The following PRR16 variants were observed in gnomAD, a reference collection of about 807,000 sequenced individuals.
The protein encoded by PRR16 is proline rich 16, also known as protein Largen.
Under a neutral mutation model 18.2 loss-of-function variants are expected in PRR16, and 6 were observed. That is an observed-to-expected ratio of 0.33 (90% CI 0.18 to 0.65). The LOEUF (loss-of-function observed/expected upper bound fraction) is 0.65. PRR16 is among the 30% of genes least tolerant of loss of function. PRR16 has a pLI of 0.74. For missense variants in PRR16, 412 were observed against 376.6 expected (o/e 1.09, Z -0.78); for synonymous variants, 151 against 147.8 (o/e 1.02, Z -0.16).
the PRR16 span, among the ~76,000 whole-genome samples, chr5:120,701,257 G>T: frequency 1.3e-5 from 2 of 152,060 alleles, no homozygotes; most frequent in Non-Finnish European, 2.9e-5. Flanking sequence ...TTTAATTTTT[G>T]GAGTTTTATT....
At chr5:120,775,529 A>G in the PRR16 span, among the ~76,000 whole-genome samples, 1 of 152,112 alleles carries the variant, frequency 6.6e-6, no homozygotes, top group African/African-American at 2.4e-5. Context: ...ATAGTTTCCT[A>G]ACCTGCTATT....
the PRR16 span, among the ~76,000 whole-genome samples, chr5:120,751,975 T>TA: frequency 6.6e-6 from 1 of 152,126 alleles, no homozygotes; most frequent in Admixed American, 6.6e-5. Context: ...ACTTTATCTT[T>TA]AAAATTGTTC....
chr5:120,689,538 G>A (rs550042581), downstream of PRR16, among the ~76,000 whole-genome samples: 5 of 152,154 alleles, frequency 3.3e-5, no homozygotes, highest in South Asian at 6.2e-4. Context: ...TTGAAACTAC[G>A]TTTTGTTAAC....
At chr5:120,760,472 T>G in the PRR16 span, among the ~76,000 whole-genome samples, 1 of 152,106 alleles carries the variant, frequency 6.6e-6, no homozygotes, top group South Asian at 2.1e-4. Context: ...ATTTTATTTA[T>G]AAAATTTTGG....
chr5:120,759,228 G>A, the PRR16 span, among the ~76,000 whole-genome samples: 5 of 151,720 alleles, frequency 3.3e-5, no homozygotes, highest in African/African-American at 4.8e-5. Context: ...TGCCCGCTTC[G>A]GCCTCCCAAA....
At chr5:120,719,357 A>G in the PRR16 span, among the ~76,000 whole-genome samples, 1 of 152,060 alleles carries the variant, frequency 6.6e-6, no homozygotes, top group Non-Finnish European at 1.5e-5. Flanking sequence ...ATTGTAGAAA[A>G]TATTTTACTC....
At chr5:120,653,300 A>G (rs1007244732) in intron 1 of PRR16, among the ~76,000 whole-genome samples, 15 of 140,156 alleles carry the variant, frequency 1.1e-4, no homozygotes, top group African/African-American at 3.7e-4. Flanking sequence ...CAATAAAAGT[A>G]AAAAAAAAAA....
chr5:120,711,210 A>G, the PRR16 span, among the ~76,000 whole-genome samples: 2 of 152,192 alleles, frequency 1.3e-5, no homozygotes, highest in Non-Finnish European at 2.9e-5. Flanking sequence ...CCTTTGCCAT[A>G]TAACAGCATA....
the PRR16 span, among the ~76,000 whole-genome samples, chr5:120,711,278 A>T: frequency 1.3e-5 from 2 of 152,172 alleles, no homozygotes; most frequent in Non-Finnish European, 2.9e-5. Context: ...ATTGTGCCTA[A>T]CACAACTACA....
the PRR16 span, among the ~76,000 whole-genome samples, chr5:120,779,740 C>T: frequency 2.0e-5 from 3 of 152,130 alleles, no homozygotes; most frequent in Non-Finnish European, 4.4e-5. Flanking sequence ...TTCTTAATAA[C>T]AGCAAAGGAA....
intron 1 of PRR16, among the ~76,000 whole-genome samples, chr5:120,545,546 CAT>C (rs1417059056): frequency 2.6e-5 from 4 of 151,922 alleles, no homozygotes; most frequent in African/African-American, 9.7e-5. Context: ...AATTATTAAA[CAT>C]ATATAAAATA....
At chr5:120,718,121 G>A in the PRR16 span, among the ~76,000 whole-genome samples, 1 of 152,000 alleles carries the variant, frequency 6.6e-6, no homozygotes. Context: ...ATATCATAAT[G>A]TGCCTCACTA....
chr5:120,725,862 C>G, the PRR16 span, among the ~76,000 whole-genome samples: 4 of 151,756 alleles, frequency 2.6e-5, no homozygotes, highest in Non-Finnish European at 5.9e-5. Flanking sequence ...TGAATGAATA[C>G]TATAGTGAGA....
intron 1 of PRR16, among the ~76,000 whole-genome samples, chr5:120,564,337 G>C (rs535040547): frequency 2.2e-4 from 33 of 152,104 alleles, no homozygotes; most frequent in Non-Finnish European, 3.5e-4. Flanking sequence ...AAGAAATCCA[G>C]TCTTTGTGTC....
chr5:120,694,266 G>C, the PRR16 span, among the ~76,000 whole-genome samples: 1 of 152,152 alleles, frequency 6.6e-6, no homozygotes, highest in African/African-American at 2.4e-5. Context: ...ATTTTACTTA[G>C]ATATTTTTGT....
chr5:120,488,176 G>A (rs937431175), intron 1 of PRR16, among the ~76,000 whole-genome samples: 15 of 152,186 alleles, frequency 9.9e-5, no homozygotes, highest in Non-Finnish European at 2.1e-4. Context: ...ATGAGTTAGG[G>A]AGGTTTCCCT....
chr5:120,571,219 C>T (rs1752896105), intron 1 of PRR16, among the ~76,000 whole-genome samples: 1 of 152,070 alleles, frequency 6.6e-6, no homozygotes, highest in Admixed American at 6.6e-5. Context: ...CCTTGATATG[C>T]AAAGGTTAAG....
chr5:120,744,176 T>TC, the PRR16 span, among the ~76,000 whole-genome samples: 15,766 of 151,960 alleles, frequency 0.1, 1,019 homozygotes, highest in African/African-American at 0.18. Flanking sequence ...GTCTCTTCAA[T>TC]CTGGGGCCTG....
intron 1 of PRR16, among the ~76,000 whole-genome samples, chr5:120,607,365 C>G (rs1372718548): frequency 6.6e-6 from 1 of 151,986 alleles, no homozygotes. Context: ...CTATTTTTAT[C>G]TTGTCAGCTG....
Sources: gnomAD v4.1 joint callset for allele counts (sites outside exome capture counted in the v4.1 genomes callset) on GRCh38, gnomAD v4.1.1 for gene constraint, MANE v1.5 for transcripts, NCBI Gene and HGNC (gene_info 2026-07-23, HGNC 2026-07-21) for gene names.